RAPGEF5: variants seen among roughly 807,000 people sequenced by gnomAD.
RAPGEF5 encodes Rap guanine nucleotide exchange factor 5, also known as M-Ras-regulated GEF.
Under a neutral mutation model 125.2 loss-of-function variants are expected in RAPGEF5, and 65 were observed. The ratio of observed to expected loss-of-function variants is 0.52; its 90% confidence interval spans 0.43 to 0.64. The LOEUF (loss-of-function observed/expected upper bound fraction) is 0.64, where lower values mean the gene tolerates loss of function less well. Among genes scored for constraint, RAPGEF5 ranks in the 30% least tolerant of loss-of-function variants. The probability of loss-of-function intolerance (pLI) is 0.00; values close to 1 mark genes in which losing one functional copy is unlikely to be tolerated. For missense variants in RAPGEF5, 958 were observed against 1,048.1 expected (o/e 0.91, Z 1.19); for synonymous variants, 391 against 385.9 (o/e 1.01, Z -0.16).
At chr7:22,313,636 C>T (rs997470577) in intron 3 of RAPGEF5, among the ~76,000 whole-genome samples, 2 of 152,172 alleles carry the variant, frequency 1.3e-5, no homozygotes, top group African/African-American at 4.8e-5. Context: ...ATCTCCCAAT[C>T]CTTTTTCAAT....
At chr7:22,179,943 C>G (rs180873793) in intron 11 of RAPGEF5, among the ~76,000 whole-genome samples, 1 of 152,260 alleles carries the variant, frequency 6.6e-6, no homozygotes, top group East Asian at 1.9e-4. Context: ...TATCCTTAGT[C>G]CAGCAGCTCA....
rs912809758 is a variant in RAPGEF5, at chr7:22,118,639, G to A, written c.*3767C>T. The A allele has an allele frequency of 1.3e-5, 2 of 152,544 alleles. No individual in the cohort carries two copies. Among genetic ancestry groups the A allele is most frequent in the Non-Finnish European group, 2.9e-5 (2 of 68,018 alleles). The allele number at this position is 152,544 out of a possible 1,614,324, so 9.4% of individuals were successfully genotyped here. ...GAGAAGTTAGGTAGACACCCTGATG[G>A]CGGGTTCTCTATCTTCTAATTGTTA... On this transcript the variant is annotated 3_prime_UTR_variant, in exon 26 of 26. Transcript: ENST00000665637.
At chr7:22,272,451 T>C (rs548254467) in intron 6 of RAPGEF5, among the ~76,000 whole-genome samples, 2 of 151,932 alleles carry the variant, frequency 1.3e-5, no homozygotes, top group Non-Finnish European at 2.9e-5. Flanking sequence ...CAAAGCGTTG[T>C]CCTTACAAAT....
Position 22,140,062 on chromosome 7 carries a change from T to G in RAPGEF5, c.2240A>C (p.Asn747Thr). The G allele has an allele frequency of 3.2e-6, 5 of 1,568,924 alleles. No homozygotes were observed. The highest frequency in any genetic ancestry group is 4.3e-6 in the Non-Finnish European group (5 of 1,156,478). Residue 747 changes from asparagine to threonine, a missense_variant, in exon 21 of 26, where the codon AAC becomes ACC. Physicochemically the swap from Asn to Thr is moderately conservative, Grantham distance 65 (BLOSUM62 0). Coordinates refer to ENST00000665637, the MANE Select transcript of RAPGEF5 (RefSeq NM_012294.5). The stretch of plus-strand genomic sequence containing the variant: ...CGACAGTCGACTGACAGAAGCAGTG[T>G]TGAGACCCATCACAATGGCAAAGAA... ...NSFFAIVMGL[N>T]TASVSRLSQT...
chr7:22,162,698 A>T (rs917609228), intron 12 of RAPGEF5, among the ~76,000 whole-genome samples, 157 bp from the exon 13 acceptor site: 1 of 152,230 alleles, frequency 6.6e-6, no homozygotes, highest in African/African-American at 2.4e-5. Context: ...GTGCACTGAG[A>T]AGAGCAAAAG....
At position 22,328,589 on chromosome 7, in the gene RAPGEF5, T is replaced by C. The variant is rs1302164381; in HGVS notation, c.232-10552A>G. ...TAAACGTATACTATACCTACATACA[T>C]ACCTACATACATACATTTATTTATC... On this transcript the variant is annotated intron_variant, in intron 1 of 25. Transcript: ENST00000665637. 2.0e-5 allele frequency among the ~76,000 whole-genome samples: 3 copies of C among 152,232 alleles called. No homozygotes were observed. In the East Asian group the frequency reaches 5.8e-4, roughly 29 times the overall value.
intron 9 of RAPGEF5, among the ~76,000 whole-genome samples, chr7:22,215,803 G>A (rs984973114): frequency 3.3e-5 from 5 of 152,130 alleles, no homozygotes; most frequent in Non-Finnish European, 5.9e-5. Context: ...TATTTTCAAA[G>A]GGTTCTGGAA....
At chr7:22,171,868 A>G (rs915128930) in intron 11 of RAPGEF5, among the ~76,000 whole-genome samples, 11 of 152,318 alleles carry the variant, frequency 7.2e-5, no homozygotes, top group African/African-American at 2.6e-4. Flanking sequence ...TTATCAATAA[A>G]TTTTTGGGAC....
Position 22,357,142 on chromosome 7 carries a change from A to G in RAPGEF5, c.-82T>C. On this transcript the variant is annotated 5_prime_UTR_variant, in exon 1 of 26. Coordinates refer to ENST00000665637, the MANE Select transcript of RAPGEF5 (RefSeq NM_012294.5). Reference sequence around the variant, plus strand: ...CCGTCCGCGCCTTCGCCAGGAAGCGAGAGGGCGCGACTGCGGCTCGGGCGC... The same window carrying G: ...CCGTCCGCGCCTTCGCCAGGAAGCGGGAGGGCGCGACTGCGGCTCGGGCGC... 3 of 755,132 alleles carry G rather than the reference A, an allele frequency of 4.0e-6. No individual in the cohort carries two copies. Among genetic ancestry groups the G allele is most frequent in the Non-Finnish European group, 4.9e-6 (3 of 616,010 alleles). The allele number at this position is 755,132 out of a possible 1,614,324, so 46.8% of individuals were successfully genotyped here. A position where few individuals can be genotyped will look rare whatever the true frequency, so the allele number is the denominator to read the frequency against.
At chr7:22,220,723 A>C (rs947571428) in intron 8 of RAPGEF5, among the ~76,000 whole-genome samples, 2 of 151,992 alleles carry the variant, frequency 1.3e-5, no homozygotes, top group African/African-American at 4.8e-5. Flanking sequence ...TAGGAAAAAA[A>C]AAAAAAGTTC....
At chr7:22,242,547 G>C (rs1022058352) in intron 7 of RAPGEF5, among the ~76,000 whole-genome samples, 2 of 152,160 alleles carry the variant, frequency 1.3e-5, no homozygotes, top group East Asian at 1.9e-4. Context: ...GACTGGCATG[G>C]TCCATGTGGC....
intron 7 of RAPGEF5, among the ~76,000 whole-genome samples, chr7:22,240,816 T>C (rs554808835): frequency 2.4e-4 from 36 of 152,202 alleles, no homozygotes; most frequent in Non-Finnish European, 4.7e-4. Context: ...AAAAAGATCC[T>C]AGTGTACTCC....
At chr7:22,223,862 A>G (rs1056864766) in intron 8 of RAPGEF5, among the ~76,000 whole-genome samples, 25 of 152,170 alleles carry the variant, frequency 1.6e-4, no homozygotes, top group African/African-American at 6.0e-4. Context: ...GCTGCATAAG[A>G]AAAGAAGGCA....
chr7:22,298,392 T>C (rs1783115956), intron 5 of RAPGEF5, among the ~76,000 whole-genome samples: 1 of 152,136 alleles, frequency 6.6e-6, no homozygotes, highest in South Asian at 2.1e-4. Context: ...TTGGTCAGGC[T>C]GGTCTCAAAC....
chr7:22,157,202 C>A (rs781445943), intron 15 of RAPGEF5, among the ~76,000 whole-genome samples: 2 of 152,174 alleles, frequency 1.3e-5, no homozygotes, highest in Non-Finnish European at 1.5e-5. Flanking sequence ...ACATCATTTC[C>A]CCATTCCAAC....
chr7:22,352,757 A>G (rs1784353161), intron 1 of RAPGEF5, among the ~76,000 whole-genome samples: 1 of 152,230 alleles, frequency 6.6e-6, no homozygotes, highest in Admixed American at 6.5e-5. Context: ...TTCCCTGTCT[A>G]TCCTGCACAT....
chr7:22,315,740 C>G (rs1317759939), intron 2 of RAPGEF5, among the ~76,000 whole-genome samples: 2 of 151,730 alleles, frequency 1.3e-5, no homozygotes, highest in African/African-American at 4.8e-5. Context: ...CTTTATTTAA[C>G]TACAGTTATA....
chr7:22,233,404 T>C (rs1163533187), intron 7 of RAPGEF5, among the ~76,000 whole-genome samples: 3 of 152,236 alleles, frequency 2.0e-5, no homozygotes, highest in Non-Finnish European at 4.4e-5. Flanking sequence ...TTCAGAATAT[T>C]TTAGCCTACT....
At chr7:22,296,057 T>C (rs1339336991) in intron 5 of RAPGEF5, among the ~76,000 whole-genome samples, 2 of 151,886 alleles carry the variant, frequency 1.3e-5, no homozygotes, top group Non-Finnish European at 1.5e-5. Flanking sequence ...TGCTATTTTG[T>C]ATAGGGTGGT....
Sources: allele counts gnomAD v4.1 joint callset (sites outside exome capture counted in the v4.1 genomes callset), GRCh38; gene constraint gnomAD v4.1.1; transcripts MANE v1.5; gene names NCBI Gene and HGNC (gene_info 2026-07-23, HGNC 2026-07-21).